Variants in PWWP2A observed in about 807,000 individuals in gnomAD.
PWWP2A encodes the protein PWWP domain-containing protein 2A.
In PWWP2A, 18 loss-of-function variants were observed where a neutral mutation model predicts 48.5. The observed-to-expected ratio is 0.37, with a 90% CI of 0.26 to 0.55. The LOEUF (loss-of-function observed/expected upper bound fraction) is 0.55. PWWP2A is among the 20% of genes least tolerant of loss of function. PWWP2A has a pLI of 0.81. For missense variants in PWWP2A, 867 were observed against 976.4 expected, an observed-to-expected ratio of 0.89 and a Z score of 1.49; for synonymous variants, 396 against 387.7, an observed-to-expected ratio of 1.02 and a Z score of -0.25.
the PWWP2A span, among the ~76,000 whole-genome samples, chr5:160,048,945 C>T: frequency 2.4e-5 from 2 of 85,086 alleles, no homozygotes; most frequent in African/African-American, 9.9e-5. Context: ...AGCGAGACTC[C>T]GTCTAAAAAA....
chr5:160,101,097 T>A (rs1756234798), intron 1 of PWWP2A, among the ~76,000 whole-genome samples: 1 of 152,216 alleles, frequency 6.6e-6, no homozygotes, highest in Admixed American at 6.5e-5. Flanking sequence ...ACACCTGTAA[T>A]CCCAGCACTC....
chr5:160,101,776 A>G (rs1756323449), intron 1 of PWWP2A, among the ~76,000 whole-genome samples: 2 of 151,518 alleles, frequency 1.3e-5, no homozygotes, highest in Admixed American at 1.3e-4. Flanking sequence ...GTTCGAGGCC[A>G]TCCTGGGCAA....
chr5:160,063,910 G>T (rs1448281841), intron 4 of PWWP2A, among the ~76,000 whole-genome samples: 1 of 151,808 alleles, frequency 6.6e-6, no homozygotes, highest in Admixed American at 6.6e-5. Context: ...CCAAAGTGCT[G>T]GGAATACAGG....
chr5:160,083,775 C>A (rs538168149), intron 2 of PWWP2A, among the ~76,000 whole-genome samples: 1 of 152,166 alleles, frequency 6.6e-6, no homozygotes, highest in African/African-American at 2.4e-5. Context: ...CATTTCCCCC[C>A]ATGCCAGGCC....
At chr5:160,049,042 C>G in the PWWP2A span, among the ~76,000 whole-genome samples, 1 of 152,194 alleles carries the variant, frequency 6.6e-6, no homozygotes, top group Non-Finnish European at 1.5e-5. Context: ...AGGCAAAAAC[C>G]AGGACTTGGA....
chr5:160,060,068 C>T (rs1246611651), downstream of PWWP2A, among the ~76,000 whole-genome samples: 2 of 152,146 alleles, frequency 1.3e-5, no homozygotes, highest in Non-Finnish European at 2.9e-5. Context: ...GCCTTTTGCT[C>T]GGAGAAAAGC....
chr5:160,094,021 T>A lies in PWWP2A; in HGVS notation c.629A>T (p.Glu210Val). 6.2e-7 allele frequency: 1 copy of A among 1,613,816 alleles called. No individual in the cohort carries two copies. Among genetic ancestry groups the A allele is most frequent in the Non-Finnish European group, 8.5e-7 (1 of 1,179,776 alleles). ...CATGGCTTCTGGTTTATCCTTATAT[T>A]CCCTTTTGGGAAATACTGTCACAGG... ...GIPVTVFPKR[E>V]YKDKPEAMPL... is the part of the protein sequence containing the mutation. Residue 210 changes from glutamate to valine, a missense_variant, in exon 2 of 2, where the codon GAA becomes GTA. Physicochemically the swap from Glu to Val is moderately radical, Grantham distance 121. Around this residue, in one of 4 missense-constraint regions of PWWP2A, gnomAD observed 385 missense variants for 396.9 expected, o/e 0.97. Transcript: ENST00000307063.
chr5:160,065,001 A>G, intron 4 of PWWP2A: 3 of 1,614,116 alleles, frequency 1.9e-6, no homozygotes, highest in Non-Finnish European at 2.5e-6. Context: ...TTCCAGATCA[A>G]ACAGGATTCC....
chr5:160,087,989 C>T (rs1754774260), downstream of PWWP2A, among the ~76,000 whole-genome samples: 1 of 152,110 alleles, frequency 6.6e-6, no homozygotes, highest in South Asian at 2.1e-4. Flanking sequence ...TTCCTTCGTT[C>T]AAAAATAGCA....
intron 2 of PWWP2A, among the ~76,000 whole-genome samples, chr5:160,068,133 A>C (rs1007954376): frequency 1.3e-5 from 2 of 152,176 alleles, no homozygotes; most frequent in Non-Finnish European, 2.9e-5. Context: ...GTGAGCCAAG[A>C]TCATGCCACT....
chr5:160,048,205 T>C, the PWWP2A span, among the ~76,000 whole-genome samples: 1 of 131,794 alleles, frequency 7.6e-6, no homozygotes, highest in Non-Finnish European at 1.5e-5. Context: ...TGGAGTACAG[T>C]GATGCAATCG....
Position 160,115,921 on chromosome 5 carries a change from A to G in PWWP2A, c.584+2884T>C, listed in dbSNP as rs150957551. 7.2e-4 allele frequency among the ~76,000 whole-genome samples: 109 copies of G among 152,222 alleles called. 1 individual carries two copies. The East Asian group carries it at 0.018, about 26-fold the overall frequency. On this transcript the variant is annotated intron_variant, in intron 1 of 1. Transcript: ENST00000307063. ...CTGCACAGGAAAGTGTGCAATCAAC[A>G]TAAGTGCGAATTACAAAATATACTG...
chr5:160,096,511 A>G (rs1755667361), intron 1 of PWWP2A, among the ~76,000 whole-genome samples: 1 of 152,258 alleles, frequency 6.6e-6, no homozygotes, highest in Non-Finnish European at 1.5e-5. Context: ...ATTTGATGTG[A>G]TATCACTACT....
chr5:160,098,096 C>A (rs980418175), intron 1 of PWWP2A, among the ~76,000 whole-genome samples: 2 of 152,140 alleles, frequency 1.3e-5, no homozygotes, highest in Non-Finnish European at 2.9e-5. Context: ...TATTTTATAG[C>A]TGTTTATATC....
intron 1 of PWWP2A, among the ~76,000 whole-genome samples, chr5:160,105,410 C>T (rs1446819250): frequency 6.6e-6 from 1 of 151,166 alleles, no homozygotes; most frequent in African/African-American, 2.4e-5. Flanking sequence ...CGGAGGCACA[C>T]GCCTGTAGTC....
the PWWP2A span, among the ~76,000 whole-genome samples, chr5:160,056,353 G>A: frequency 6.6e-6 from 1 of 152,240 alleles, no homozygotes; most frequent in Admixed American, 6.5e-5. Flanking sequence ...AAGTCACTCA[G>A]TTGTTCACTC....
chr5:160,119,000 C>T lies in PWWP2A; in HGVS notation c.389G>A (p.Arg130His), dbSNP rs776466237. ...GGGCTGAGGCAGCGGCGGCTCCTCG[C>T]GCTCCTCGGGAGCCGGGGGCTGCTC... ...PPEQPPAPEE[R>H]EEPPLPQPVA... is the part of the protein sequence containing the mutation. The change falls in exon 1 of 2, where the codon CGC becomes CAC. Residue 130 changes from arginine (R) to histidine (H), a missense_variant. By Grantham distance (29) the Arg-to-His change is conservative (BLOSUM62 0). Coordinates refer to ENST00000307063, the MANE Select transcript of PWWP2A (RefSeq NM_001130864.2). The T allele has an allele frequency of 2.5e-6, 4 of 1,598,282 alleles. No individual in the cohort carries two copies. The highest frequency in any genetic ancestry group is 2.6e-6 in the Non-Finnish European group (3 of 1,174,686).
At chr5:160,057,168 C>T (rs1454615017), downstream of PWWP2A, among the ~76,000 whole-genome samples, 1 of 152,168 alleles carries the variant, frequency 6.6e-6, no homozygotes, top group Non-Finnish European at 1.5e-5. The surrounding 1 kb of genome is among the most constrained non-coding windows in gnomAD (Gnocchi z 4.4). Flanking sequence ...TTCCTAATTG[C>T]TATCCTGAGG....
chr5:160,056,291 T>C, the PWWP2A span, among the ~76,000 whole-genome samples: 2 of 152,238 alleles, frequency 1.3e-5, no homozygotes, highest in Non-Finnish European at 2.9e-5. Flanking sequence ...ACCCAGGTTT[T>C]CCACTCATAC....
Sources: allele counts gnomAD v4.1 joint callset (sites outside exome capture counted in the v4.1 genomes callset), GRCh38; gene constraint gnomAD v4.1.1; regional missense constraint gnomAD v4.1.1; non-coding constraint Gnocchi (gnomAD v3.1); transcripts MANE v1.5; gene names NCBI Gene and HGNC (gene_info 2026-07-23, HGNC 2026-07-21).